The following TAS2R1 variants were observed in gnomAD, a reference collection of about 807,000 sequenced individuals.
The protein encoded by TAS2R1 is taste 2 receptor member 1.
For synonymous variants in TAS2R1, 141 were observed against 134.2 expected, an observed-to-expected ratio of 1.05 and a Z score of -0.35; for missense variants, 370 against 353.4, an observed-to-expected ratio of 1.05 and a Z score of -0.38.
At chr5:9,903,774 T>C in the TAS2R1 span, 1 of 152,236 alleles carries the variant, frequency 6.6e-6, no homozygotes, top group Non-Finnish European at 1.5e-5. Context: ...TCATTGGTTA[T>C]ATTTTTGTTA....
chr5:9,653,516 T>C (rs1740350977), intron 2 of TAS2R1, among the ~76,000 whole-genome samples: 1 of 152,166 alleles, frequency 6.6e-6, no homozygotes, highest in Non-Finnish European at 1.5e-5. Flanking sequence ...TGTCAGGCTT[T>C]TTGAGTGCAA....
At chr5:9,774,910 G>A in the TAS2R1 span, among the ~76,000 whole-genome samples, 1 of 152,220 alleles carries the variant, frequency 6.6e-6, no homozygotes, top group Admixed American at 6.5e-5. Flanking sequence ...TCTCACCTAG[G>A]ACTGGTGTAA....
chr5:9,634,705 C>T (rs1739933653), upstream of TAS2R1, among the ~76,000 whole-genome samples: 1 of 151,774 alleles, frequency 6.6e-6, no homozygotes, highest in African/African-American at 2.4e-5. Flanking sequence ...GTTTTTGCAG[C>T]TGTTGTAAAA....
intron 1 of TAS2R1, among the ~76,000 whole-genome samples, chr5:9,670,646 T>C (rs939153841): frequency 3.3e-5 from 5 of 152,096 alleles, no homozygotes; most frequent in Non-Finnish European, 7.4e-5. Context: ...GAAGCAGTAA[T>C]AAAAAGCCTG....
chr5:9,780,456 C>G, the TAS2R1 span, among the ~76,000 whole-genome samples: 1 of 152,204 alleles, frequency 6.6e-6, no homozygotes, highest in South Asian at 2.1e-4. Context: ...GACCCCCTAC[C>G]CACTAATGGA....
At chr5:9,884,907 G>A in the TAS2R1 span, among the ~76,000 whole-genome samples, 1 of 152,142 alleles carries the variant, frequency 6.6e-6, no homozygotes, top group Non-Finnish European at 1.5e-5. Context: ...GATTCAAAAT[G>A]TTCTTACTTT....
At chr5:9,671,851 A>G (rs1740765227) in intron 1 of TAS2R1, among the ~76,000 whole-genome samples, 1 of 152,126 alleles carries the variant, frequency 6.6e-6, no homozygotes, top group African/African-American at 2.4e-5. Context: ...CTAAGCAAAA[A>G]AAATAATAAT....
chr5:9,765,384 TTAATCCAAA>T, the TAS2R1 span: 3 of 152,098 alleles, frequency 2.0e-5, no homozygotes, highest in Non-Finnish European at 4.4e-5. Flanking sequence ...GTGAAATAAT[TTAATCCAAA>T]TAATATATTT....
chr5:9,874,889 T>C, the TAS2R1 span, among the ~76,000 whole-genome samples: 1 of 152,184 alleles, frequency 6.6e-6, no homozygotes, highest in Non-Finnish European at 1.5e-5. Context: ...GCCAAACCAA[T>C]TGATTTTAAA....
At chr5:9,780,719 G>A in the TAS2R1 span, among the ~76,000 whole-genome samples, 2 of 152,158 alleles carry the variant, frequency 1.3e-5, no homozygotes, top group Admixed American at 6.5e-5. Context: ...ACGCACATGT[G>A]CGTTCATGTT....
intron 2 of TAS2R1, among the ~76,000 whole-genome samples, chr5:9,649,985 T>G (rs1740268772): frequency 6.6e-6 from 1 of 152,136 alleles, no homozygotes; most frequent in Non-Finnish European, 1.5e-5. Flanking sequence ...AAAGCCAACT[T>G]AATTATAAGC....
chr5:9,752,574 G>A, the TAS2R1 span, among the ~76,000 whole-genome samples: 1 of 151,860 alleles, frequency 6.6e-6, no homozygotes, highest in East Asian at 1.9e-4. Context: ...TATACTTTAA[G>A]TTTTAGGGTA....
the TAS2R1 span, among the ~76,000 whole-genome samples, chr5:9,773,601 A>G: frequency 6.6e-6 from 1 of 152,192 alleles, no homozygotes; most frequent in Non-Finnish European, 1.5e-5. Flanking sequence ...CTCACAGGAC[A>G]GGTCTGGTGT....
chr5:9,736,370 C>A, the TAS2R1 span, among the ~76,000 whole-genome samples: 3 of 152,234 alleles, frequency 2.0e-5, no homozygotes, highest in African/African-American at 7.2e-5. Context: ...AACACTGGCT[C>A]AGTGTCCAAC....
At chr5:9,650,903 A>G (rs897192061) in intron 2 of TAS2R1, among the ~76,000 whole-genome samples, 4 of 152,186 alleles carry the variant, frequency 2.6e-5, no homozygotes, top group Non-Finnish European at 5.9e-5. Flanking sequence ...GTGCTCACAA[A>G]TTTTTATGGA....
the TAS2R1 span, among the ~76,000 whole-genome samples, chr5:9,841,943 T>G: frequency 6.6e-6 from 1 of 152,224 alleles, no homozygotes; most frequent in Non-Finnish European, 1.5e-5. Flanking sequence ...GTGAATATGC[T>G]TACATCCATC....
the TAS2R1 span, among the ~76,000 whole-genome samples, chr5:9,896,051 T>C: frequency 0.57 from 86,530 of 152,142 alleles, 28,100 homozygotes; most frequent in Middle Eastern, 0.75. Context: ...CTATCCAAGA[T>C]ATGGGTATTG....
upstream of TAS2R1, among the ~76,000 whole-genome samples, chr5:9,712,915 C>T (rs374128016): frequency 6.6e-6 from 1 of 151,882 alleles, no homozygotes; most frequent in African/African-American, 2.4e-5. Context: ...CTAATATACC[C>T]ACCCTCCCAC....
chr5:9,633,822 G>A (rs1038625548), upstream of TAS2R1, among the ~76,000 whole-genome samples: 1 of 151,848 alleles, frequency 6.6e-6, no homozygotes, highest in Non-Finnish European at 1.5e-5. Flanking sequence ...ATTTGTCTGA[G>A]TTCCTTGTAG....
Sources: gnomAD v4.1 joint callset for allele counts (sites outside exome capture counted in the v4.1 genomes callset) on GRCh38, gnomAD v4.1.1 for gene constraint, MANE v1.5 for transcripts, NCBI Gene and HGNC (gene_info 2026-07-23, HGNC 2026-07-21) for gene names.